Variants in CCDC192 observed in about 807,000 individuals in gnomAD.
CCDC192 encodes the protein coiled-coil domain containing 192, also known as coiled-coil domain-containing protein 192.
chr5:127,860,965 G>C (rs546331797), intron 5 of CCDC192, among the ~76,000 whole-genome samples: 2 of 152,294 alleles, frequency 1.3e-5, no homozygotes, highest in East Asian at 1.9e-4. Flanking sequence ...AGTAGACACA[G>C]GGATTAGAAA....
At chr5:127,775,605 C>G (rs930824908) in intron 3 of CCDC192, among the ~76,000 whole-genome samples, 6 of 152,150 alleles carry the variant, frequency 3.9e-5, no homozygotes, top group African/African-American at 1.4e-4. Context: ...AATAATAAAG[C>G]CTACACTTTA....
At chr5:127,869,991 T>G (rs188669316) in intron 5 of CCDC192, among the ~76,000 whole-genome samples, 1 of 152,280 alleles carries the variant, frequency 6.6e-6, no homozygotes, top group Non-Finnish European at 1.5e-5. Context: ...TGGGTCAAGG[T>G]TAGGGTGATT....
intron 3 of CCDC192, chr5:127,786,407 A>C (rs780262270): frequency 1.6e-6 from 1 of 623,366 alleles, no homozygotes; most frequent in South Asian, 1.8e-5. Flanking sequence ...CAAATGCATC[A>C]TCTTCCTTCA....
In CCDC192 at chr5:127,704,887, C is replaced by A. The variant is rs558109772; in HGVS notation, c.62+1380C>A. Among the ~76,000 whole-genome samples, 114 of 147,578 alleles carry A rather than the reference C, an allele frequency of 7.7e-4. No individual in the cohort carries two copies. In the South Asian group the frequency reaches 0.018, roughly 23 times the overall value. On this transcript the variant is annotated intron_variant, in intron 1 of 6. Transcript: ENST00000514853. The stretch of plus-strand genomic sequence containing the variant: ...TAAATAAATAAATAAATAAATAAAT[C>A]ATTTATTCACCCAGGCTAATTGGTG...
At chr5:127,922,270 T>A (rs1753744548) in intron 6 of CCDC192, among the ~76,000 whole-genome samples, 1 of 152,242 alleles carries the variant, frequency 6.6e-6, no homozygotes, top group African/African-American at 2.4e-5. Context: ...TAGATAACAT[T>A]ATTTAATTTA....
At chr5:127,790,445 TC>T (rs1442206599) in intron 3 of CCDC192, among the ~76,000 whole-genome samples, 1 of 152,218 alleles carries the variant, frequency 6.6e-6, no homozygotes, top group Non-Finnish European at 1.5e-5. Flanking sequence ...TCAAACATTA[TC>T]TTTTTTTTTG....
chr5:127,735,052 T>A (rs1280229491), intron 2 of CCDC192, among the ~76,000 whole-genome samples: 1 of 134,848 alleles, frequency 7.4e-6, no homozygotes, highest in African/African-American at 3.0e-5. Flanking sequence ...AGGGTTTTTA[T>A]GGTTTTAGGT....
At chr5:127,766,724 A>T (rs1182168670) in intron 3 of CCDC192, among the ~76,000 whole-genome samples, 1 of 151,298 alleles carries the variant, frequency 6.6e-6, no homozygotes, top group African/African-American at 2.4e-5. Flanking sequence ...CTGCTGCTTC[A>T]TCCTGCCACT....
chr5:127,787,927 C>T (rs1260592049), intron 3 of CCDC192, among the ~76,000 whole-genome samples: 1 of 151,876 alleles, frequency 6.6e-6, no homozygotes, highest in Non-Finnish European at 1.5e-5. Context: ...TCTAAAAATA[C>T]AAAAATTTGC....
At chr5:127,937,697 T>C (rs1247896433) in intron 6 of CCDC192, among the ~76,000 whole-genome samples, 4 of 152,214 alleles carry the variant, frequency 2.6e-5, no homozygotes, top group Non-Finnish European at 5.9e-5. Flanking sequence ...CTTCTCCCTG[T>C]AATACTCTCT....
At chr5:127,890,420 G>T (rs1228978444) in intron 6 of CCDC192, among the ~76,000 whole-genome samples, 1 of 148,610 alleles carries the variant, frequency 6.7e-6, no homozygotes, top group Non-Finnish European at 1.5e-5. Context: ...ACTCCAGCCT[G>T]GTCAACAGAA....
chr5:127,754,881 G>A (rs1403632534), intron 3 of CCDC192, among the ~76,000 whole-genome samples: 4 of 152,216 alleles, frequency 2.6e-5, no homozygotes, highest in Admixed American at 2.6e-4. Context: ...CAGGTGATAA[G>A]TGGAGCCTGG....
At chr5:127,843,383 G>T (rs1355765663) in intron 5 of CCDC192, among the ~76,000 whole-genome samples, 1 of 151,124 alleles carries the variant, frequency 6.6e-6, no homozygotes, top group East Asian at 1.9e-4. Flanking sequence ...TTTTTGCCAG[G>T]GATTTAAGCC....
chr5:127,733,020 T>A (rs1752731581), intron 2 of CCDC192, among the ~76,000 whole-genome samples: 1 of 152,116 alleles, frequency 6.6e-6, no homozygotes, highest in Non-Finnish European at 1.5e-5. Context: ...ATACAATTTT[T>A]AAAAAAGAAG....
At chr5:127,780,770 G>T (rs930189890) in intron 3 of CCDC192, among the ~76,000 whole-genome samples, 1 of 152,144 alleles carries the variant, frequency 6.6e-6, no homozygotes, top group Non-Finnish European at 1.5e-5. Context: ...CCACTCTGTG[G>T]ATTGCCTGCT....
At chr5:127,778,887 A>T (rs1756024049) in intron 3 of CCDC192, among the ~76,000 whole-genome samples, 2 of 151,988 alleles carry the variant, frequency 1.3e-5, no homozygotes, top group South Asian at 4.2e-4. Context: ...CATCTAAATT[A>T]TCTAGTTTGT....
At chr5:127,817,580 G>T (rs1749082100) in intron 5 of CCDC192, among the ~76,000 whole-genome samples, 1 of 152,172 alleles carries the variant, frequency 6.6e-6, no homozygotes, top group Non-Finnish European at 1.5e-5. Context: ...AAAATGTCCA[G>T]AATAGGTACT....
intron 5 of CCDC192, among the ~76,000 whole-genome samples, chr5:127,813,960 T>A (rs1758218409): frequency 6.6e-6 from 1 of 152,228 alleles, no homozygotes; most frequent in Non-Finnish European, 1.5e-5. Flanking sequence ...AAATAGTTAT[T>A]AATTATTCAT....
chr5:127,914,190 G>A (rs1053389283), intron 6 of CCDC192, among the ~76,000 whole-genome samples: 2 of 152,146 alleles, frequency 1.3e-5, no homozygotes, highest in Admixed American at 1.3e-4. Flanking sequence ...AGAGCTGATT[G>A]GTTCAGGATG....
Sources: gnomAD v4.1 joint callset for allele counts (sites outside exome capture counted in the v4.1 genomes callset) on GRCh38, gnomAD v4.1.1 for gene constraint, MANE v1.5 for transcripts, NCBI Gene and HGNC (gene_info 2026-07-23, HGNC 2026-07-21) for gene names.